CYB561D1: variants seen among roughly 807,000 people sequenced by gnomAD.
The protein encoded by CYB561D1 is cytochrome b561 family member D1.
A neutral mutation model predicts 19.2 loss-of-function variants in CYB561D1; 15 were observed. The ratio of observed to expected loss-of-function variants is 0.78; its 90% confidence interval spans 0.52 to 1.20. The LOEUF is 1.20. CYB561D1 is among the 50% of genes most tolerant of loss of function. The pLI is 0.00. For synonymous variants in CYB561D1, 133 were observed against 120.6 expected (o/e 1.10, Z -0.68); for missense variants, 297 against 287.3 (o/e 1.03, Z -0.24).
chr1:109,495,329 T>C, intron 2 of CYB561D1, 149 bp downstream of exon 2: 1 of 989,226 alleles, frequency 1.0e-6, no homozygotes, highest in South Asian at 1.4e-5. Flanking sequence ...GCCTATGGGA[T>C]TGGGAAACCT....
chr1:109,495,017 GT>G (rs1361476626), intron 1 of CYB561D1, 125 bp from the exon 2 acceptor site: 11 of 1,171,100 alleles, frequency 9.4e-6, no homozygotes, highest in Admixed American at 9.4e-5. Flanking sequence ...TTTGTCCTTA[GT>G]TCCTGTGCCC....
At chr1:109,494,824 G>A (rs1216223454) in intron 1 of CYB561D1, among the ~76,000 whole-genome samples, 2 of 150,826 alleles carry the variant, frequency 1.3e-5, no homozygotes, top group Non-Finnish European at 2.9e-5. Context: ...GCGACAGAGC[G>A]AGACTCCGTA....
In CYB561D1 at chr1:109,496,558, T is replaced by C. The variant is rs1205552522; in HGVS notation, c.*299T>C. 2 of 252,938 alleles carry C rather than the reference T, an allele frequency of 7.9e-6. No individual in the cohort carries two copies. Among genetic ancestry groups the C allele is most frequent in the Non-Finnish European group, 1.5e-5 (2 of 132,870 alleles). The allele number at this position is 252,938 out of a possible 1,614,324, so 15.7% of individuals were successfully genotyped here. ...GGTGGTCATTTCTTGCTTGTGTGCC[T>C]GATGAAAAACTGGGTTCCTGTAAGT... On this transcript the variant is annotated 3_prime_UTR_variant, in exon 3 of 3. Coordinates refer to ENST00000420578, the MANE Select transcript of CYB561D1 (RefSeq NM_182580.3).
rs1657502440 is a variant in CYB561D1 at position 109,495,812 on chromosome 1, C to G, written c.243C>G (p.Phe81Leu). 1 of 1,613,940 alleles carries G rather than the reference C, an allele frequency of 6.2e-7. No homozygotes were observed. The highest frequency in any genetic ancestry group is 1.1e-5 in the South Asian group (1 of 91,072). ...ILLFSPEHSL[F>L]FFCSRKARIR... ...TCTTCTCACCTGAACACTCCCTGTT[C>G]TTCTTCTGCTCCCGAAAAGCACGGA... The change falls in exon 3 of 3, where the codon TTC becomes TTG. Residue 81 changes from phenylalanine (F) to leucine (L), a missense_variant. Phe to Leu is a conservative substitution (Grantham distance 22). Coordinates refer to ENST00000420578, the MANE Select transcript of CYB561D1 (RefSeq NM_182580.3).
Position 109,497,935 on chromosome 1 carries a change from G to GC in CYB561D1, c.*1680dup, listed in dbSNP as rs1023798384. On this transcript the variant is annotated 3_prime_UTR_variant, in exon 3 of 3. Coordinates refer to ENST00000420578, the MANE Select transcript of CYB561D1 (RefSeq NM_182580.3). ...TCTCCAGGACAAGCATCTAAAGGAG[G>GC]CCCCTGCTGTGCAGAGGGGTATTGT... 1 of 152,260 alleles carries GC rather than the reference G, an allele frequency of 6.6e-6. No homozygotes were observed. Among genetic ancestry groups the GC allele is most frequent in the Non-Finnish European group, 1.5e-5 (1 of 68,094 alleles). 9.4% of individuals were successfully genotyped at this position (152,260 alleles called of 1,614,324 possible).
chr1:109,494,485 GGCAGAC>G, intron 1 of CYB561D1, 198 bp downstream of exon 1: 1 of 1,546,032 alleles, frequency 6.5e-7, no homozygotes, highest in Non-Finnish European at 8.7e-7. Flanking sequence ...GTGGGGGAAG[GGCAGAC>G]GATTGAACAG....
rs1319142145 is a variant in CYB561D1, at chr1:109,498,854, T to TA, written c.*2595_*2596insA. 1 of 96,324 alleles carries TA rather than the reference T, an allele frequency of 1.0e-5. No individual in the cohort carries two copies. 6.0% of individuals were successfully genotyped at this position (96,324 alleles called of 1,614,324 possible). A position where few individuals can be genotyped will look rare whatever the true frequency, so the allele number is the denominator to read the frequency against. Reference sequence around the variant, plus strand: ...AGTGGTCAGCCTGTTTTGCCTTTTTTTAAAAAAAAAAAAAAAGCCAGGGCA... The same window carrying TA: ...AGTGGTCAGCCTGTTTTGCCTTTTTTATAAAAAAAAAAAAAAAGCCAGGGCA... On this transcript the variant is annotated 3_prime_UTR_variant, in exon 3 of 3. Transcript: ENST00000420578.
intron 1 of CYB561D1, 140 bp downstream of exon 1, chr1:109,494,427 G>T: frequency 1.3e-6 from 2 of 1,544,578 alleles, no homozygotes. Context: ...TTGAGGGCCT[G>T]GTGGGGCGGG....
rs776650876 is a variant in CYB561D1, at chr1:109,496,290, G to A, written c.*31G>A. 36 of 1,535,288 alleles carry A rather than the reference G, an allele frequency of 2.3e-5. No homozygotes were observed. Among genetic ancestry groups the A allele is most frequent in the Middle Eastern group, 3.5e-4 (2 of 5,676 alleles). ...TGCGAACGCTGAATCTAGGTGGGAC[G>A]CTTGCCTTGAACATCATGGTTCCTT... On this transcript the variant is annotated 3_prime_UTR_variant, in exon 3 of 3. Transcript: ENST00000420578.
In CYB561D1 at chr1:109,494,268, G is replaced by T; in HGVS notation, c.129G>T (p.Ala43=). 1 of 1,588,658 alleles carries T rather than the reference G, an allele frequency of 6.3e-7. No homozygotes were observed. The highest frequency in any genetic ancestry group is 8.6e-7 in the Non-Finnish European group (1 of 1,167,360). The change falls in exon 1 of 3, where the codon GCG becomes GCT. Residue 43 remains alanine, a synonymous_variant. Transcript: ENST00000420578. ...VALGFTIFLT[A]LSRPGTSLFS... ...TGGGCTTCACCATCTTTCTGACAGC[G>T]CTGTCCCGGCCAGGAACCAGTGAGT...
chr1:109,494,580 A>C (rs1476425390), intron 1 of CYB561D1: 1 of 1,403,664 alleles, frequency 7.1e-7, no homozygotes, highest in Admixed American at 2.2e-5. Flanking sequence ...GTCATGCCTG[A>C]AATCCCAGCA....
At position 109,498,179 on chromosome 1, in the gene CYB561D1, A is replaced by G. The variant is rs111836591; in HGVS notation, c.*1920A>G. Reference sequence around the variant, plus strand: ...AAGTTCACCAGCTTGCTCTAAGAGCAAGCAGGCAATGCCGTAAAGCCTGAG... The same window carrying G: ...AAGTTCACCAGCTTGCTCTAAGAGCGAGCAGGCAATGCCGTAAAGCCTGAG... On this transcript the variant is annotated 3_prime_UTR_variant, in exon 3 of 3. Transcript: ENST00000420578. 109 of 152,274 alleles carry G rather than the reference A, an allele frequency of 7.2e-4. 2 individuals carry two copies. Among genetic ancestry groups the G allele is most frequent in the African/African-American group, 2.5e-3 (103 of 41,550 alleles). 9.4% of individuals were successfully genotyped at this position (152,274 alleles called of 1,614,324 possible).
rs531631495 is a variant in CYB561D1 at position 109,497,539 on chromosome 1, A to G, written c.*1280A>G. Reference sequence around the variant, plus strand: ...CCCCAGGCTGCCCTCGGTGGTGAGGACTGGATGCTAGACTGCTGAGCTGTG... The same window carrying G: ...CCCCAGGCTGCCCTCGGTGGTGAGGGCTGGATGCTAGACTGCTGAGCTGTG... On this transcript the variant is annotated 3_prime_UTR_variant, in exon 3 of 3. Transcript: ENST00000420578. 6.6e-6 allele frequency: 1 copy of G among 152,334 alleles called. No homozygotes were observed. The highest frequency in any genetic ancestry group is 1.5e-5 in the Non-Finnish European group (1 of 68,174). The allele number at this position is 152,334 out of a possible 1,614,324, so 9.4% of individuals were successfully genotyped here. A position where few individuals can be genotyped will look rare whatever the true frequency, so the allele number is the denominator to read the frequency against.
chr1:109,496,478 C>A lies in CYB561D1; in HGVS notation c.*219C>A. 2.4e-6 allele frequency: 1 copy of A among 423,714 alleles called. No individual in the cohort carries two copies. The highest frequency in any genetic ancestry group is 2.0e-5 in the African/African-American group (1 of 49,436). The allele number at this position is 423,714 out of a possible 1,614,324, so 26.2% of individuals were successfully genotyped here. The stretch of plus-strand genomic sequence containing the variant: ...AGTGGAAGGTGATGGAGAGCCTGAT[C>A]CTGAAGCCTCTACTTGATGAGAGAC... On this transcript the variant is annotated 3_prime_UTR_variant, in exon 3 of 3. Transcript: ENST00000420578.
At chr1:109,495,615 G>A in intron 2 of CYB561D1, 141 bp from the exon 3 acceptor site, 1 of 1,498,980 alleles carries the variant, frequency 6.7e-7, no homozygotes, top group Non-Finnish European at 9.0e-7. Context: ...CAGAAATGTT[G>A]AGCTGTGAGG....
Position 109,494,370 on chromosome 1 carries a change from A to G in CYB561D1, c.148+83A>G, listed in dbSNP as rs927346837. The G allele has an allele frequency of 2.9e-4, 433 of 1,518,874 alleles. 1 individual carries two copies. Among genetic ancestry groups the G allele is most frequent in the Middle Eastern group, 1.9e-3 (11 of 5,782 alleles). 94.1% of individuals were successfully genotyped at this position (1,518,874 alleles called of 1,614,324 possible). On this transcript the variant is annotated intron_variant, in intron 1 of 2. Transcript: ENST00000420578. ...CGCTTGGGAGCCCCGGGAGACTTGGAGGAGGGACCCCAGCAGTAAAGGGGA... is the reference window on the plus strand; with the variant it reads ...CGCTTGGGAGCCCCGGGAGACTTGGGGGAGGGACCCCAGCAGTAAAGGGGA...
intron 1 of CYB561D1, chr1:109,494,662 C>A: frequency 1.9e-6 from 2 of 1,052,492 alleles, no homozygotes; most frequent in Non-Finnish European, 2.5e-6. Context: ...CATGGTGAAA[C>A]CCCGTCTCTA....
chr1:109,495,231 C>T (rs1451410513), intron 2 of CYB561D1, 51 bp downstream of exon 2: 2 of 1,595,062 alleles, frequency 1.3e-6, no homozygotes, highest in Admixed American at 3.3e-5. Context: ...ACCTCATTCT[C>T]CCAGGGAAGC....
Position 109,496,295 on chromosome 1 carries a change from C to T in CYB561D1, c.*36C>T. 6.5e-7 allele frequency: 1 copy of T among 1,528,138 alleles called. No homozygotes were observed. The highest frequency in any genetic ancestry group is 1.3e-5 in the South Asian group (1 of 77,930). The allele number at this position is 1,528,138 out of a possible 1,614,324, so 94.7% of individuals were successfully genotyped here. ...ACGCTGAATCTAGGTGGGACGCTTG[C>T]CTTGAACATCATGGTTCCTTTGGTG... On this transcript the variant is annotated 3_prime_UTR_variant, in exon 3 of 3. Coordinates refer to ENST00000420578, the MANE Select transcript of CYB561D1 (RefSeq NM_182580.3).
Sources: gnomAD v4.1 joint callset for allele counts (sites outside exome capture counted in the v4.1 genomes callset) on GRCh38, gnomAD v4.1.1 for gene constraint, MANE v1.5 for transcripts, NCBI Gene and HGNC (gene_info 2026-07-23, HGNC 2026-07-21) for gene names.